The following DNAH7 variants were observed in gnomAD, a reference collection of about 807,000 sequenced individuals.
DNAH7 encodes the protein axonemal beta dynein heavy chain 7.
Under a neutral mutation model 444.6 loss-of-function variants are expected in DNAH7, and 397 were observed. The ratio of observed to expected loss-of-function variants is 0.89; its 90% CI spans 0.82 to 0.97. The LOEUF (loss-of-function observed/expected upper bound fraction) is 0.97, where lower values mean the gene tolerates loss of function less well. Among genes scored for constraint, DNAH7 ranks in the 50% least tolerant of loss-of-function variants. DNAH7 has a pLI of 0.00. For missense variants in DNAH7, 4,902 were observed against 4,800.8 expected (o/e 1.02, Z -0.62); for synonymous variants, 1,636 against 1,624.4 (o/e 1.01, Z -0.17).
chr2:195,755,275 G>C (rs934076279), intron 62 of DNAH7, among the ~76,000 whole-genome samples: 7 of 152,026 alleles, frequency 4.6e-5, no homozygotes, highest in Admixed American at 1.3e-4. Flanking sequence ...CAACATATAG[G>C]AACACAATAT....
intron 63 of DNAH7, among the ~76,000 whole-genome samples, chr2:195,744,999 G>T (rs1247619554): frequency 6.6e-6 from 1 of 152,238 alleles, no homozygotes; most frequent in Non-Finnish European, 1.5e-5. Flanking sequence ...AACAGAGCTG[G>T]ACGGAGAATG....
intron 58 of DNAH7, among the ~76,000 whole-genome samples, chr2:195,782,664 A>C (rs997078711): frequency 1.3e-5 from 2 of 152,222 alleles, no homozygotes; most frequent in African/African-American, 2.4e-5. Context: ...TTAAAAAGAC[A>C]TAACACTTTT....
intron 49 of DNAH7, among the ~76,000 whole-genome samples, chr2:195,819,087 A>G (rs764307446): frequency 6.6e-6 from 1 of 152,096 alleles, no homozygotes; most frequent in Non-Finnish European, 1.5e-5. Context: ...CATGTGCTTC[A>G]GTGTTTGCTC....
At chr2:195,761,217 A>T (rs2105921230) in intron 61 of DNAH7, among the ~76,000 whole-genome samples, 1 of 152,184 alleles carries the variant, frequency 6.6e-6, no homozygotes, top group East Asian at 1.9e-4. Flanking sequence ...AATGCATCAG[A>T]GTCTCTTAAC....
chr2:195,777,280 G>A (rs1325910781), intron 59 of DNAH7, among the ~76,000 whole-genome samples: 1 of 152,162 alleles, frequency 6.6e-6, no homozygotes, highest in South Asian at 2.1e-4. Flanking sequence ...TTGTGCTGCA[G>A]GTGGGTCTGT....
chr2:195,964,551 A>C (rs1196880245), intron 17 of DNAH7, among the ~76,000 whole-genome samples: 1 of 76,928 alleles, frequency 1.3e-5, no homozygotes, highest in East Asian at 3.3e-4. Context: ...TTTTTGGAGG[A>C]GTCTTTACAT....
intron 11 of DNAH7, among the ~76,000 whole-genome samples, 169 bp from the exon 12 acceptor site, chr2:196,001,052 C>T (rs1234646834): frequency 1.3e-5 from 2 of 152,160 alleles, no homozygotes; most frequent in East Asian, 3.9e-4. Context: ...TTCTGAGCTA[C>T]AGTTGATGAT....
chr2:196,036,163 C>G (rs1696375306), intron 5 of DNAH7, among the ~76,000 whole-genome samples: 1 of 151,942 alleles, frequency 6.6e-6, no homozygotes, highest in African/African-American at 2.4e-5. Context: ...TCCCAAGTAG[C>G]TGGAACTACA....
chr2:195,925,395 C>A (rs1206411184), intron 22 of DNAH7, among the ~76,000 whole-genome samples: 2 of 152,120 alleles, frequency 1.3e-5, no homozygotes, highest in Non-Finnish European at 2.9e-5. Context: ...AAAATGAATT[C>A]TCTGGACTCA....
chr2:196,056,601 T>C (rs1213732100), intron 2 of DNAH7, among the ~76,000 whole-genome samples: 2 of 152,036 alleles, frequency 1.3e-5, no homozygotes, highest in African/African-American at 4.8e-5. Flanking sequence ...AGATGACAGA[T>C]AAATGCTATT....
rs1268955453 is a variant in DNAH7 at position 195,972,457 on chromosome 2, G to A, written c.1843C>T (p.Gln615Ter). 6.2e-7 allele frequency: 1 copy of A among 1,613,780 alleles called. No individual in the cohort carries two copies. Among genetic ancestry groups the A allele is most frequent in the Non-Finnish European group, 8.5e-7 (1 of 1,179,784 alleles). ...AELMEMKAYIQKVEVTDMIEL... is the reference protein window; with the variant it reads ...AELMEMKAYI ...ATCATATCAGTTACCTCCACTTTCT[G>A]AATGTAAGCCTGAGGGAAAACAAAA... is the stretch of plus-strand genomic sequence containing the variant. Residue 615 changes from glutamine to a stop codon, truncating the protein, a stop_gained, in exon 16 of 65, where the codon CAG (glutamine) becomes TAG (stop). Transcript: ENST00000312428. LOFTEE classifies it high-confidence loss of function.
chr2:196,003,089 G>T (rs1398955708), intron 10 of DNAH7, among the ~76,000 whole-genome samples: 1 of 148,170 alleles, frequency 6.7e-6, no homozygotes, highest in Non-Finnish European at 1.5e-5. Flanking sequence ...AAAAAAATCT[G>T]AAATAAAAGG....
At chr2:196,052,989 C>A (rs1368315446) in intron 2 of DNAH7, among the ~76,000 whole-genome samples, 1 of 152,156 alleles carries the variant, frequency 6.6e-6, no homozygotes, top group Non-Finnish European at 1.5e-5. Flanking sequence ...AGTCCATAGT[C>A]GTGGAAAGGA....
intron 10 of DNAH7, among the ~76,000 whole-genome samples, chr2:196,004,373 T>C (rs1166368438): frequency 2.0e-5 from 3 of 152,070 alleles, no homozygotes; most frequent in Non-Finnish European, 4.4e-5. Context: ...CTTCTGAGAG[T>C]AGATCAAAAA....
At chr2:195,863,488 G>C (rs1303758712) in intron 41 of DNAH7, among the ~76,000 whole-genome samples, 1 of 151,814 alleles carries the variant, frequency 6.6e-6, no homozygotes, top group East Asian at 1.9e-4. Flanking sequence ...CCATCCATTC[G>C]CTGCCTTTTT....
At chr2:196,022,832 A>G (rs1346005883) in intron 8 of DNAH7, among the ~76,000 whole-genome samples, 3 of 152,208 alleles carry the variant, frequency 2.0e-5, no homozygotes, top group South Asian at 4.1e-4. Flanking sequence ...CACTTTGCCA[A>G]GATCCCTCAG....
intron 24 of DNAH7, among the ~76,000 whole-genome samples, chr2:195,914,720 G>A (rs1687565543): frequency 6.6e-6 from 1 of 152,146 alleles, no homozygotes. Flanking sequence ...CTGGAGTGCG[G>A]TGGCAAAATC....
chr2:195,756,034 A>G, intron 62 of DNAH7, 99 bp downstream of exon 62: 1 of 1,289,448 alleles, frequency 7.8e-7, no homozygotes, highest in South Asian at 1.7e-5. Context: ...TGGGATGCAC[A>G]GAAAAACTAG....
chr2:195,903,257 A>T (rs902735301), intron 27 of DNAH7: 13 of 152,148 alleles, frequency 8.5e-5, no homozygotes, highest in Non-Finnish European at 1.3e-4. Flanking sequence ...AAAATTAAGC[A>T]ATAACTTTTT....
Sources: allele counts gnomAD v4.1 joint callset (sites outside exome capture counted in the v4.1 genomes callset), GRCh38; gene constraint gnomAD v4.1.1; transcripts MANE v1.5; gene names NCBI Gene and HGNC (gene_info 2026-07-23, HGNC 2026-07-21).